PCP4L1: variants seen among roughly 807,000 people sequenced by gnomAD.
PCP4L1 encodes the protein Purkinje cell protein 4 like 1.
A neutral mutation model predicts 9.6 loss-of-function variants in PCP4L1; 9 were observed. The ratio of observed to expected loss-of-function variants is 0.94; its 90% CI spans 0.57 to 1.64. The LOEUF (loss-of-function observed/expected upper bound fraction) is 1.64. Ranked by LOEUF, PCP4L1 falls within the 40% of genes most tolerant of loss-of-function variation. PCP4L1 has a pLI of 0.00. For synonymous variants in PCP4L1, 31 were observed against 28.2 expected (o/e 1.10, Z -0.31); for missense variants, 81 against 80.8 (o/e 1.00, Z -0.01).
chr1:161,258,852 T>TA lies in PCP4L1; in HGVS notation c.-123_-122insA. The TA allele has an allele frequency of 7.0e-7, 1 of 1,421,172 alleles. No homozygotes were observed. Among genetic ancestry groups the TA allele is most frequent in the Non-Finnish European group, 9.6e-7 (1 of 1,043,722 alleles). The allele number at this position is 1,421,172 out of a possible 1,614,324, so 88.0% of individuals were successfully genotyped here. A position where few individuals can be genotyped will look rare whatever the true frequency, so the allele number is the denominator to read the frequency against. On this transcript the variant is annotated 5_prime_UTR_variant, in exon 1 of 3. Transcript: ENST00000504449. ...GCGGCTCTCCGCACTAACTCTCCTC[T>TA]CCTGGTCAGCTGTAACCCCTGCCGC...
intron 1 of PCP4L1, among the ~76,000 whole-genome samples, chr1:161,279,943 A>C (rs1236791770): frequency 6.6e-6 from 1 of 152,168 alleles, no homozygotes; most frequent in Non-Finnish European, 1.5e-5. Context: ...GGTTTATGCC[A>C]CTGTACCTGG....
chr1:161,270,830 G>A (rs567181150), intron 1 of PCP4L1, among the ~76,000 whole-genome samples: 16 of 147,344 alleles, frequency 1.1e-4, no homozygotes, highest in African/African-American at 3.0e-4. Flanking sequence ...AGCTGAAATC[G>A]TGCCACTGCA....
intron 1 of PCP4L1, among the ~76,000 whole-genome samples, chr1:161,269,150 C>T (rs1270652077): frequency 6.6e-6 from 1 of 152,048 alleles, no homozygotes; most frequent in Non-Finnish European, 1.5e-5. Flanking sequence ...TAAGTACCTA[C>T]TATTACAAGA....
intron 1 of PCP4L1, among the ~76,000 whole-genome samples, chr1:161,281,659 C>T (rs1669807725): frequency 6.6e-6 from 1 of 151,906 alleles, no homozygotes; most frequent in South Asian, 2.1e-4. Context: ...AGATGCTCCT[C>T]ACTTCCCAGA....
chr1:161,263,262 T>C (rs1390965280), intron 1 of PCP4L1, among the ~76,000 whole-genome samples: 1 of 152,050 alleles, frequency 6.6e-6, no homozygotes, highest in Non-Finnish European at 1.5e-5. Flanking sequence ...TGGGTTGGAG[T>C]CTTGCACTGT....
chr1:161,277,021 G>A (rs1301574842), intron 1 of PCP4L1, among the ~76,000 whole-genome samples: 2 of 152,160 alleles, frequency 1.3e-5, no homozygotes, highest in Non-Finnish European at 2.9e-5. Flanking sequence ...AGGAGGCTGA[G>A]GAGGAAGAAC....
At position 161,283,666 on chromosome 1, in the gene PCP4L1, A is replaced by G. The variant is rs1358295989; in HGVS notation, c.10-2A>G. 2 of 1,595,184 alleles carry G rather than the reference A, an allele frequency of 1.3e-6. No homozygotes were observed. The highest frequency in any genetic ancestry group is 1.7e-6 in the Non-Finnish European group (2 of 1,170,128). ...ATTCTGATATCCTAATATTTTTTCC[A>G]GCTTAATACCAAAACATCCCCAGCA... is the stretch of plus-strand genomic sequence containing the variant. On this transcript the variant is annotated splice_acceptor_variant, in intron 1 of 2. Transcript: ENST00000504449. LOFTEE classifies it high-confidence loss of function.
chr1:161,260,658 G>A (rs1278319071), intron 1 of PCP4L1, among the ~76,000 whole-genome samples: 2 of 152,166 alleles, frequency 1.3e-5, no homozygotes, highest in African/African-American at 2.4e-5. Flanking sequence ...TTGGTGGAAT[G>A]AGAAGCCTGT....
At chr1:161,259,500 C>T (rs1215324648) in intron 1 of PCP4L1, among the ~76,000 whole-genome samples, 2 of 152,146 alleles carry the variant, frequency 1.3e-5, no homozygotes, top group African/African-American at 4.8e-5. Flanking sequence ...GTTGGAGGGA[C>T]GTGTTCCGGT....
intron 1 of PCP4L1, among the ~76,000 whole-genome samples, chr1:161,275,288 A>G (rs1669679957): frequency 6.6e-6 from 1 of 152,084 alleles, no homozygotes; most frequent in Non-Finnish European, 1.5e-5. Context: ...AGGCTGAGGC[A>G]GGCGGATCAC....
intron 1 of PCP4L1, among the ~76,000 whole-genome samples, chr1:161,262,160 C>T (rs917614374): frequency 6.6e-6 from 1 of 152,022 alleles, no homozygotes; most frequent in East Asian, 1.9e-4. Flanking sequence ...ACCGGCCAGG[C>T]GCGGTGGCTC....
intron 1 of PCP4L1, among the ~76,000 whole-genome samples, chr1:161,259,269 C>T (rs919629490): frequency 6.6e-6 from 1 of 152,080 alleles, no homozygotes; most frequent in African/African-American, 2.4e-5. Context: ...GGTAGGTCAT[C>T]CCCTCTGGAT....
At chr1:161,266,155 G>T (rs980987821) in intron 1 of PCP4L1, among the ~76,000 whole-genome samples, 13 of 152,024 alleles carry the variant, frequency 8.6e-5, no homozygotes, top group African/African-American at 3.1e-4. Flanking sequence ...TTCCCTCCAG[G>T]CTTATTCCCG....
intron 1 of PCP4L1, 122 bp from the exon 2 acceptor site, chr1:161,283,546 A>C (rs949466265): frequency 1.2e-6 from 1 of 864,354 alleles, no homozygotes; most frequent in Admixed American, 2.9e-5. Context: ...TTGCTTCTTC[A>C]AAAGACTAAG....
Position 161,264,521 on chromosome 1 carries a change from A to C in PCP4L1, c.9+5538A>C, listed in dbSNP as rs532768395. Among the ~76,000 whole-genome samples, 4 of 151,756 alleles carry C rather than the reference A, an allele frequency of 2.6e-5. No individual in the cohort carries two copies. In the South Asian group the frequency reaches 8.3e-4, roughly 32 times the overall value. On this transcript the variant is annotated intron_variant, in intron 1 of 2. Coordinates refer to ENST00000504449, the MANE Select transcript of PCP4L1 (RefSeq NM_001102566.2). ...CAGAGTAAGACTCTGTCTAAGAAAA[A>C]AAAGAAAAAGAAATATAAGCAATGT...
At chr1:161,264,208 T>C (rs1669468300) in intron 1 of PCP4L1, among the ~76,000 whole-genome samples, 1 of 151,286 alleles carries the variant, frequency 6.6e-6, no homozygotes, top group Non-Finnish European at 1.5e-5. Flanking sequence ...CCACCATGCC[T>C]AGCCTCAAGT....
chr1:161,283,851 T>A, intron 2 of PCP4L1, 129 bp downstream of exon 2: 2 of 960,892 alleles, frequency 2.1e-6, no homozygotes, highest in Non-Finnish European at 3.2e-6. Flanking sequence ...TGAAACAAAG[T>A]ACCAGTTTGG....
chr1:161,284,240 C>T (rs1284568048), intron 2 of PCP4L1, 99 bp from the exon 3 acceptor site: 34 of 1,532,710 alleles, frequency 2.2e-5, no homozygotes, highest in Non-Finnish European at 2.3e-5. Context: ...CCCACAGAGT[C>T]TGGCACAAGG....
At chr1:161,264,231 A>T (rs941549207) in intron 1 of PCP4L1, among the ~76,000 whole-genome samples, 4 of 151,694 alleles carry the variant, frequency 2.6e-5, no homozygotes, top group Non-Finnish European at 4.4e-5. Flanking sequence ...TTTTTATAAG[A>T]AATATAGGCT....
Sources: gnomAD v4.1 joint callset for allele counts (sites outside exome capture counted in the v4.1 genomes callset) on GRCh38, gnomAD v4.1.1 for gene constraint, MANE v1.5 for transcripts, NCBI Gene and HGNC (gene_info 2026-07-23, HGNC 2026-07-21) for gene names.